The following DNAH9 variants were observed in gnomAD, a reference collection of about 807,000 sequenced individuals.
DNAH9 encodes the protein DNAH9 variant protein.
In DNAH9, 345 loss-of-function variants were observed where a neutral mutation model predicts 471.6. That is an observed-to-expected ratio of 0.73 (90% CI 0.67 to 0.80). The LOEUF (loss-of-function observed/expected upper bound fraction) is 0.80, where lower values mean the gene tolerates loss of function less well. DNAH9 is among the 30% of genes least tolerant of loss of function. DNAH9 has a pLI of 0.00. For missense variants in DNAH9, 5,407 were observed against 5,609.2 expected (o/e 0.96, Z 1.15); for synonymous variants, 2,093 against 2,123.6 (o/e 0.99, Z 0.40).
intron 38 of DNAH9, among the ~76,000 whole-genome samples, chr17:11,771,348 C>G (rs1321908616): frequency 6.6e-6 from 1 of 152,090 alleles, no homozygotes; most frequent in Non-Finnish European, 1.5e-5. Flanking sequence ...AGGCTGGTCT[C>G]GAACTCCTGA....
intron 17 of DNAH9, among the ~76,000 whole-genome samples, chr17:11,677,450 A>T (rs557437344): frequency 6.6e-6 from 1 of 152,126 alleles, no homozygotes; most frequent in South Asian, 2.1e-4. Context: ...TCTTCTATTA[A>T]TGTAGCTAAA....
At chr17:11,901,207 G>C (rs995705814) in intron 59 of DNAH9, among the ~76,000 whole-genome samples, 1 of 152,166 alleles carries the variant, frequency 6.6e-6, no homozygotes, top group Admixed American at 6.5e-5. Flanking sequence ...CCAAAAGAGA[G>C]AGTGCCCAGG....
Position 11,704,459 on chromosome 17 carries a change from C to A in DNAH9, c.5391+17C>A. ...GCTCAGAAGGTGGGTCCCAAACATC[C>A]AGGGATGCCCACTTTTGTGTACAGC... On this transcript the variant is annotated intron_variant, in intron 25 of 68. Coordinates refer to ENST00000262442, the MANE Select transcript of DNAH9 (RefSeq NM_001372.4). The A allele has an allele frequency of 6.2e-7, 1 of 1,610,196 alleles. No individual in the cohort carries two copies. Among genetic ancestry groups the A allele is most frequent in the South Asian group, 1.1e-5 (1 of 90,668 alleles).
chr17:11,779,340 T>C (rs1034813604), intron 38 of DNAH9, among the ~76,000 whole-genome samples: 5 of 152,096 alleles, frequency 3.3e-5, no homozygotes, highest in African/African-American at 1.2e-4. Flanking sequence ...ACCCTCTTCT[T>C]CTCCTCCAAT....
intron 67 of DNAH9, among the ~76,000 whole-genome samples, chr17:11,952,235 G>C (rs572633461): frequency 1.4e-5 from 2 of 143,362 alleles, no homozygotes; most frequent in South Asian, 4.5e-4. Flanking sequence ...TACCTTCTAG[G>C]TTCAAGCAAT....
At chr17:11,816,324 T>C (rs1367311072) in intron 45 of DNAH9, among the ~76,000 whole-genome samples, 1 of 152,232 alleles carries the variant, frequency 6.6e-6, no homozygotes, top group Non-Finnish European at 1.5e-5. Flanking sequence ...CCTATTACTC[T>C]GTGCAGAGTC....
Position 11,744,725 on chromosome 17 carries a change from T to A in DNAH9, c.6112-72T>A. The stretch of plus-strand genomic sequence containing the variant: ...TGACCTAATGCTCATAGCATATCTA[T>A]GATTCTGCAGACACTCACCCCAGCA... On this transcript the variant is annotated intron_variant, in intron 30 of 68. Transcript: ENST00000262442. 3 of 1,348,062 alleles carry A rather than the reference T, an allele frequency of 2.2e-6. No homozygotes were observed. The African/African-American group carries it at 4.3e-5, about 20-fold the overall frequency. The allele number at this position is 1,348,062 out of a possible 1,614,324, so 83.5% of individuals were successfully genotyped here.
chr17:11,606,898 A>G (rs939547092), intron 1 of DNAH9, among the ~76,000 whole-genome samples: 2 of 152,198 alleles, frequency 1.3e-5, no homozygotes, highest in African/African-American at 4.8e-5. Flanking sequence ...AAAGCTCCAC[A>G]CTAGCAGAAA....
rs998088970 is a variant in DNAH9 at position 11,610,376 on chromosome 17, T to A, written c.615-20T>A. ...TTTTTGTTTTTGTTGTTATCATTGT[T>A]GTTGTTTTGTCTTTCACAGCTTGGA... On this transcript the variant is annotated intron_variant, in intron 2 of 68. Transcript: ENST00000262442. 1.9e-6 allele frequency: 3 copies of A among 1,605,758 alleles called. No individual in the cohort carries two copies. Among genetic ancestry groups the A allele is most frequent in the Non-Finnish European group, 2.6e-6 (3 of 1,174,324 alleles).
rs911287627 is a variant in DNAH9, at chr17:11,823,148, C to T, written c.9246+114C>T. The T allele has an allele frequency of 8.1e-6, 7 of 867,004 alleles. No homozygotes were observed. In the Admixed American group the frequency reaches 1.1e-4, roughly 14 times the overall value. 53.7% of individuals were successfully genotyped at this position (867,004 alleles called of 1,614,324 possible). A position where few individuals can be genotyped will look rare whatever the true frequency, so the allele number is the denominator to read the frequency against. On this transcript the variant is annotated intron_variant, in intron 48 of 68. Coordinates refer to ENST00000262442, the MANE Select transcript of DNAH9 (RefSeq NM_001372.4). ...GATCTGAAAAATATGTACGGTTTTC[C>T]AGAGACTCCCATGTCATCAGTATCT... is the stretch of plus-strand genomic sequence containing the variant.
chr17:11,811,029 C>A (rs1047532952), intron 45 of DNAH9, among the ~76,000 whole-genome samples: 1 of 152,174 alleles, frequency 6.6e-6, no homozygotes, highest in Non-Finnish European at 1.5e-5. Context: ...TACCAACAAT[C>A]CCCCACAAAG....
rs371059338 is a variant in DNAH9, at chr17:11,858,816, C to A, written c.9933+4388C>A. Among the ~76,000 whole-genome samples the A allele has an allele frequency of 2.4e-4, 37 of 152,212 alleles. No individual in the cohort carries two copies. In the East Asian group the frequency reaches 4.6e-3, roughly 19 times the overall value. ...CATTACTTTAATGGCCGGCACAGTG[C>A]CTCATGCCTGTAATCTCAGCACTTT... On this transcript the variant is annotated intron_variant, in intron 50 of 68. Transcript: ENST00000262442.
intron 67 of DNAH9, among the ~76,000 whole-genome samples, chr17:11,951,624 GA>G (rs1427857571): frequency 1.3e-5 from 2 of 150,992 alleles, no homozygotes; most frequent in Admixed American, 1.3e-4. Context: ...TATCTTGAGG[GA>G]AAAAAAATTA....
At chr17:11,718,903 T>C (rs760106922) in intron 26 of DNAH9, among the ~76,000 whole-genome samples, 3 of 152,118 alleles carry the variant, frequency 2.0e-5, no homozygotes, top group Non-Finnish European at 2.9e-5. Context: ...GAGGAATTAG[T>C]GGCCATTAGC....
rs1365837621 is a variant in DNAH9, at chr17:11,704,189, T to C, written c.5152-14T>C. 6.2e-7 allele frequency: 1 copy of C among 1,613,888 alleles called. No individual in the cohort carries two copies. Among genetic ancestry groups the C allele is most frequent in the Non-Finnish European group, 8.5e-7 (1 of 1,179,946 alleles). On this transcript the variant is annotated splice_polypyrimidine_tract_variant and intron_variant, in intron 24 of 68. Coordinates refer to ENST00000262442, the MANE Select transcript of DNAH9 (RefSeq NM_001372.4). Reference sequence around the variant, plus strand: ...CATGATAACAGCTTTACTAGGCAACTCTTGCTGCCACAGGTGGCCCTGACC... The same window carrying C: ...CATGATAACAGCTTTACTAGGCAACCCTTGCTGCCACAGGTGGCCCTGACC...
chr17:11,644,803 ACT>A (rs2073348894), intron 11 of DNAH9, 104 bp downstream of exon 11: 18 of 791,490 alleles, frequency 2.3e-5, no homozygotes, highest in Middle Eastern at 5.2e-4. Context: ...CCGAAGTATC[ACT>A]CTATGTTTTA....
At chr17:11,881,035 C>A (rs1247637858) in intron 54 of DNAH9, among the ~76,000 whole-genome samples, 174 bp from the exon 55 acceptor site, 1 of 152,074 alleles carries the variant, frequency 6.6e-6, no homozygotes, top group African/African-American at 2.4e-5. Flanking sequence ...AAACATCTAT[C>A]CCCCTCCACA....
chr17:11,790,785 T>C (rs934018656), intron 41 of DNAH9, among the ~76,000 whole-genome samples: 1 of 152,136 alleles, frequency 6.6e-6, no homozygotes, highest in Non-Finnish European at 1.5e-5. Context: ...TTATAATTGT[T>C]CTCCCTCTTT....
chr17:11,747,315 C>T (rs958151645), intron 31 of DNAH9, among the ~76,000 whole-genome samples: 3 of 152,178 alleles, frequency 2.0e-5, no homozygotes, highest in Non-Finnish European at 4.4e-5. Flanking sequence ...GAATCCCCCT[C>T]GCCTGGCACA....
Sources: allele counts gnomAD v4.1 joint callset (sites outside exome capture counted in the v4.1 genomes callset), GRCh38; gene constraint gnomAD v4.1.1; transcripts MANE v1.5; gene names NCBI Gene and HGNC (gene_info 2026-07-23, HGNC 2026-07-21).